The following CFAP54 variants were observed in gnomAD, a reference collection of about 807,000 sequenced individuals.
The protein encoded by CFAP54 is cilia- and flagella-associated protein 54.
Under a neutral mutation model 370.4 loss-of-function variants are expected in CFAP54, and 290 were observed. The ratio of observed to expected loss-of-function variants is 0.78; its 90% CI spans 0.71 to 0.86. The LOEUF (loss-of-function observed/expected upper bound fraction) is 0.86, where lower values mean the gene tolerates loss of function less well. CFAP54 is among the 40% of genes least tolerant of loss of function. The probability of loss-of-function intolerance (pLI) is 0.00; values close to 1 mark genes in which losing one functional copy is unlikely to be tolerated. For missense variants in CFAP54, 3,399 were observed against 3,528.7 expected, an observed-to-expected ratio of 0.96 and a Z score of 0.93; for synonymous variants, 1,206 against 1,236.5, an observed-to-expected ratio of 0.98 and a Z score of 0.52.
chr12:96,613,866 A>T (rs1388836645), intron 26 of CFAP54, among the ~76,000 whole-genome samples: 1 of 152,202 alleles, frequency 6.6e-6, no homozygotes, highest in East Asian at 1.9e-4. Context: ...TTGAGGCAAT[A>T]ATTAATAGCC....
At chr12:96,551,940 T>A (rs59191390) in intron 15 of CFAP54, among the ~76,000 whole-genome samples, 24,904 of 152,062 alleles carry the variant, frequency 0.16, 3,263 homozygotes, top group East Asian at 0.51. Flanking sequence ...AAGGTGTAAG[T>A]ACTGTAAAGA....
At chr12:96,824,900 G>C (rs140925805) in intron 65 of CFAP54, among the ~76,000 whole-genome samples, 1 of 151,944 alleles carries the variant, frequency 6.6e-6, no homozygotes, top group African/African-American at 2.4e-5. Flanking sequence ...TACATGACCT[G>C]TTAAAAATTT....
intron 67 of CFAP54, among the ~76,000 whole-genome samples, chr12:96,870,160 C>T (rs993749160): frequency 8.6e-5 from 13 of 151,656 alleles, no homozygotes; most frequent in African/African-American, 3.2e-4. Context: ...ACTCTGGAGG[C>T]TGAGACAGGA....
chr12:96,614,274 C>G (rs1162152515), intron 26 of CFAP54, among the ~76,000 whole-genome samples: 10 of 152,208 alleles, frequency 6.6e-5, no homozygotes, highest in Admixed American at 6.5e-4. Flanking sequence ...ACATGATTAT[C>G]TCAATAGATG....
At chr12:96,742,308 AT>A (rs1390251123) in intron 51 of CFAP54, 130 bp from the exon 52 acceptor site, 2 of 609,300 alleles carry the variant, frequency 3.3e-6, no homozygotes, top group Non-Finnish European at 5.5e-6. Context: ...TGCAAGAATC[AT>A]TTCTAAATTT....
At chr12:96,663,794 C>A in intron 38 of CFAP54, 36 bp from the exon 39 acceptor site, 1 of 1,468,166 alleles carries the variant, frequency 6.8e-7, no homozygotes, top group Non-Finnish European at 9.5e-7. Context: ...ACTATAAATA[C>A]CCGACTAATA....
chr12:96,804,606 A>G (rs959534076), intron 63 of CFAP54, among the ~76,000 whole-genome samples: 9 of 152,196 alleles, frequency 5.9e-5, no homozygotes, highest in African/African-American at 2.2e-4. Context: ...CACTGATGAA[A>G]GAAAGTGTAG....
chr12:96,552,246 C>CA (rs374756712), intron 15 of CFAP54, among the ~76,000 whole-genome samples: 1,506 of 40,498 alleles, frequency 0.037, 39 homozygotes, highest in African/African-American at 0.073. Context: ...AACTACATCT[C>CA]AAAAAAAAAA....
intron 26 of CFAP54, among the ~76,000 whole-genome samples, chr12:96,600,021 T>C (rs566471140): frequency 6.6e-6 from 1 of 152,246 alleles, no homozygotes; most frequent in South Asian, 2.1e-4. Context: ...TCCATTTTTC[T>C]ATTTTGGCTT....
intron 29 of CFAP54, among the ~76,000 whole-genome samples, chr12:96,626,406 A>T (rs752562800): frequency 2.0e-5 from 3 of 151,836 alleles, no homozygotes; most frequent in African/African-American, 2.4e-5. Context: ...AAAAAAAAAG[A>T]AAAAAGAAAA....
chr12:96,684,477 T>C (rs940660563), intron 40 of CFAP54, among the ~76,000 whole-genome samples, 171 bp from the exon 41 acceptor site: 12 of 152,234 alleles, frequency 7.9e-5, no homozygotes, highest in Non-Finnish European at 1.3e-4. Context: ...GAACGTTTGC[T>C]CGCTCTCTTT....
chr12:96,510,300 C>T (rs1955151729), intron 4 of CFAP54, among the ~76,000 whole-genome samples: 1 of 151,140 alleles, frequency 6.6e-6, no homozygotes, highest in Admixed American at 6.6e-5. Flanking sequence ...TCCAGAAATA[C>T]CCTGAGATCA....
intron 8 of CFAP54, among the ~76,000 whole-genome samples, chr12:96,523,932 A>G (rs145464618): frequency 1.4e-5 from 2 of 141,052 alleles, no homozygotes; most frequent in Admixed American, 7.0e-5. Context: ...TTTTTTTTTT[A>G]AGAAAAAATT....
intron 14 of CFAP54, among the ~76,000 whole-genome samples, chr12:96,545,245 CAG>C (rs1395524611): frequency 2.0e-5 from 3 of 151,980 alleles, no homozygotes; most frequent in Non-Finnish European, 2.9e-5. Flanking sequence ...CCAGTCCAGT[CAG>C]GGGGTGGGGA....
At chr12:96,590,097 A>G (rs1206282825) in intron 23 of CFAP54, among the ~76,000 whole-genome samples, 2 of 152,200 alleles carry the variant, frequency 1.3e-5, no homozygotes, top group Non-Finnish European at 2.9e-5. Context: ...ATAAGGTTGA[A>G]GGTTATGAAA....
intron 33 of CFAP54, among the ~76,000 whole-genome samples, chr12:96,647,427 C>T (rs550201640): frequency 2.7e-4 from 37 of 136,926 alleles, no homozygotes; most frequent in Non-Finnish European, 4.3e-4. Context: ...GAGCCGATAT[C>T]GCGCCACTGC....
Position 96,644,148 on chromosome 12 carries a change from TA to T in CFAP54, c.4317-28del, listed in dbSNP as rs1440835774. ...TATTAAATATCTGAAAGTTCTTGTG[TA>T]ATTTCAAAACTTCTTTCTCCCTTGG... On this transcript the variant is annotated intron_variant, in intron 32 of 67. Coordinates refer to ENST00000524981, the MANE Select transcript of CFAP54 (RefSeq NM_001306084.2). The T allele has an allele frequency of 2.1e-6, 3 of 1,406,904 alleles. No individual in the cohort carries two copies. In the African/African-American group the frequency reaches 4.3e-5, roughly 20 times the overall value. The allele number at this position is 1,406,904 out of a possible 1,614,324, so 87.2% of individuals were successfully genotyped here. A position where few individuals can be genotyped will look rare whatever the true frequency, so the allele number is the denominator to read the frequency against.
At chr12:96,783,943 G>A (rs772829594) in intron 60 of CFAP54, among the ~76,000 whole-genome samples, 36 of 152,120 alleles carry the variant, frequency 2.4e-4, no homozygotes, top group Non-Finnish European at 4.0e-4. Flanking sequence ...CAGAGAGGCC[G>A]AAGGCACAGA....
chr12:96,697,056 A>T (rs1390279533), intron 45 of CFAP54, among the ~76,000 whole-genome samples: 1 of 152,172 alleles, frequency 6.6e-6, no homozygotes, highest in Admixed American at 6.6e-5. Context: ...ATCTTGAAAG[A>T]TTTGTCACTG....
Sources: gnomAD v4.1 joint callset for allele counts (sites outside exome capture counted in the v4.1 genomes callset) on GRCh38, gnomAD v4.1.1 for gene constraint, MANE v1.5 for transcripts, NCBI Gene and HGNC (gene_info 2026-07-23, HGNC 2026-07-21) for gene names.